The following MYRFL variants were observed in gnomAD, a reference collection of about 807,000 sequenced individuals.
The protein encoded by MYRFL is myelin regulatory factor-like protein.
A neutral mutation model predicts 109.4 loss-of-function variants in MYRFL; 88 were observed. The observed-to-expected ratio is 0.80, with a 90% confidence interval of 0.68 to 0.96. MYRFL has a LOEUF of 0.96. Among genes scored for constraint, MYRFL ranks in the 40% least tolerant of loss-of-function variants. The pLI is 0.00. For missense variants in MYRFL, 957 were observed against 954.9 expected (o/e 1.00, Z -0.03); for synonymous variants, 324 against 320.9 (o/e 1.01, Z -0.10).
intron 2 of MYRFL, among the ~76,000 whole-genome samples, chr12:69,865,822 C>A (rs1179825324): frequency 6.6e-6 from 1 of 152,194 alleles, no homozygotes; most frequent in Non-Finnish European, 1.5e-5. Context: ...TCACTCTCTA[C>A]CTTTGAGGTG....
intron 8 of MYRFL, among the ~76,000 whole-genome samples, chr12:69,894,860 G>A (rs980518335): frequency 5.3e-5 from 8 of 152,212 alleles, no homozygotes; most frequent in Non-Finnish European, 7.3e-5. Context: ...TACAAACACC[G>A]CACTAAATGT....
At chr12:69,848,045 G>T (rs1422040582) in intron 1 of MYRFL, among the ~76,000 whole-genome samples, 1 of 151,970 alleles carries the variant, frequency 6.6e-6, no homozygotes, top group Non-Finnish European at 1.5e-5. Flanking sequence ...ATTCATTTTG[G>T]TGTAGAGGTG....
At chr12:69,932,433 G>T (rs2120467978) in intron 15 of MYRFL, 80 bp from the exon 16 acceptor site, 1 of 918,984 alleles carries the variant, frequency 1.1e-6, no homozygotes, top group South Asian at 1.4e-5. Flanking sequence ...AAATACCCCT[G>T]CTGGGAGCAG....
chr12:69,887,314 T>C (rs1886517004), intron 6 of MYRFL, among the ~76,000 whole-genome samples: 1 of 152,186 alleles, frequency 6.6e-6, no homozygotes, highest in African/African-American at 2.4e-5. Context: ...AGTTAACTTA[T>C]AATGCCATAA....
intron 19 of MYRFL, among the ~76,000 whole-genome samples, chr12:69,950,682 A>C (rs921365883): frequency 4.6e-5 from 7 of 152,138 alleles, no homozygotes; most frequent in African/African-American, 1.7e-4. Context: ...AGAAGGGAAA[A>C]CTGGTATTTA....
intron 12 of MYRFL, among the ~76,000 whole-genome samples, chr12:69,910,283 G>A (rs1257270363): frequency 6.6e-6 from 1 of 152,006 alleles, no homozygotes; most frequent in Non-Finnish European, 1.5e-5. Context: ...TCCACCCCAA[G>A]GTACTGGTGG....
At chr12:69,841,367 C>A (rs756806447) in intron 1 of MYRFL, among the ~76,000 whole-genome samples, 3 of 152,160 alleles carry the variant, frequency 2.0e-5, no homozygotes, top group Non-Finnish European at 4.4e-5. Context: ...CAAATACTAG[C>A]CACATACAGT....
chr12:69,938,677 A>C (rs1056273862), intron 19 of MYRFL, among the ~76,000 whole-genome samples: 25 of 152,228 alleles, frequency 1.6e-4, no homozygotes, highest in African/African-American at 5.5e-4. Context: ...TTAAATAAAA[A>C]AAGCTTATAA....
At chr12:69,927,587 A>G (rs1237661455) in intron 14 of MYRFL, 98 bp from the exon 15 acceptor site, 10 of 875,040 alleles carry the variant, frequency 1.1e-5, no homozygotes, top group Non-Finnish European at 1.7e-5. Context: ...GTATTGCAAA[A>G]GAAAGTCATA....
At chr12:69,927,198 G>A (rs754133283) in intron 14 of MYRFL, among the ~76,000 whole-genome samples, 4 of 151,890 alleles carry the variant, frequency 2.6e-5, no homozygotes, top group Non-Finnish European at 5.9e-5. Flanking sequence ...ACCCACCTCG[G>A]CCTCCCAAAG....
chr12:69,955,462 A>G, intron 22 of MYRFL, 25 bp downstream of exon 22: 2 of 566,660 alleles, frequency 3.5e-6, no homozygotes, highest in South Asian at 4.8e-5. Context: ...GTAAAAAACA[A>G]TTTCATTTTT....
At chr12:69,917,383 C>CTTTTTTTTTTTT (rs56118035) in intron 13 of MYRFL, among the ~76,000 whole-genome samples, 3 of 102,512 alleles carry the variant, frequency 2.9e-5, no homozygotes, top group African/African-American at 3.7e-5. Flanking sequence ...TATTCACTGA[C>CTTTTTTTTTTTT]TTTTTTTTTT....
At chr12:69,840,025 T>C (rs1322596124) in intron 1 of MYRFL, among the ~76,000 whole-genome samples, 1 of 152,232 alleles carries the variant, frequency 6.6e-6, no homozygotes, top group Non-Finnish European at 1.5e-5. Context: ...AAAAGACCCA[T>C]GTCTTTGTCA....
intron 16 of MYRFL, among the ~76,000 whole-genome samples, chr12:69,933,290 C>A (rs114549357): frequency 2.0e-5 from 3 of 151,924 alleles, no homozygotes; most frequent in Admixed American, 1.3e-4. Context: ...ATTCCCCTCC[C>A]CCACCACACT....
At chr12:69,932,438 G>T (rs1955300023) in intron 15 of MYRFL, 75 bp from the exon 16 acceptor site, 5 of 958,822 alleles carry the variant, frequency 5.2e-6, no homozygotes, top group Middle Eastern at 2.0e-4. Context: ...CCCCTGCTGG[G>T]AGCAGTTCTC....
At position 69,879,281 on chromosome 12, in the gene MYRFL, A is replaced by G; in HGVS notation, c.292A>G (p.Met98Val). 1 of 702,800 alleles carries G rather than the reference A, an allele frequency of 1.4e-6. No homozygotes were observed. Among genetic ancestry groups the G allele is most frequent in the Non-Finnish European group, 2.6e-6 (1 of 384,828 alleles). The allele number at this position is 702,800 out of a possible 1,614,324, so 43.5% of individuals were successfully genotyped here. Reference sequence around the variant, plus strand: ...CACAGCTGCTCCTGCGATGCCGCCCATGCACCCGCTGCAGAGCACCTCTGG... The same window carrying G: ...CACAGCTGCTCCTGCGATGCCGCCCGTGCACCCGCTGCAGAGCACCTCTGG... ...HPTAAPAMPPMHPLQSTSGMG... is the reference protein window; with the variant it reads ...HPTAAPAMPPVHPLQSTSGMG... The change falls in exon 4 of 25, where the codon ATG becomes GTG. Residue 98 changes from methionine to valine, a missense_variant. Physicochemically the swap from Met to Val is conservative, Grantham distance 21. Transcript: ENST00000552032.
chr12:69,949,552 G>A (rs1415388925), intron 19 of MYRFL, among the ~76,000 whole-genome samples: 3 of 151,890 alleles, frequency 2.0e-5, no homozygotes, highest in Non-Finnish European at 2.9e-5. Flanking sequence ...TGTCCAACCC[G>A]CGGCCCATGG....
intron 2 of MYRFL, among the ~76,000 whole-genome samples, chr12:69,869,014 ACT>A (rs778270761): frequency 7.2e-5 from 11 of 152,232 alleles, no homozygotes; most frequent in African/African-American, 1.2e-4. Flanking sequence ...ACACACATAC[ACT>A]CACACACAGA....
intron 10 of MYRFL, among the ~76,000 whole-genome samples, chr12:69,898,647 A>G (rs1420953828): frequency 6.6e-6 from 1 of 152,256 alleles, no homozygotes; most frequent in Non-Finnish European, 1.5e-5. Flanking sequence ...GAAGGAATAG[A>G]GACAGATAAT....
Sources: allele counts gnomAD v4.1 joint callset (sites outside exome capture counted in the v4.1 genomes callset), GRCh38; gene constraint gnomAD v4.1.1; transcripts MANE v1.5; gene names NCBI Gene and HGNC (gene_info 2026-07-23, HGNC 2026-07-21).